Variants in ST6GALNAC5 observed in about 807,000 individuals in gnomAD.
The protein encoded by ST6GALNAC5 is ST6 N-acetylgalactosaminide alpha-2,6-sialyltransferase 5.
Under a neutral mutation model 33.6 loss-of-function variants are expected in ST6GALNAC5, and 27 were observed. The ratio of observed to expected loss-of-function variants is 0.80; its 90% CI spans 0.59 to 1.11. The LOEUF is 1.11. ST6GALNAC5 is among the 50% of genes least tolerant of loss of function. ST6GALNAC5 has a pLI of 0.00. For missense variants in ST6GALNAC5, 428 were observed against 454.0 expected (o/e 0.94, Z 0.52); for synonymous variants, 194 against 171.2 (o/e 1.13, Z -1.04).
chr1:76,977,526 G>A (rs1557745079), intron 2 of ST6GALNAC5, among the ~76,000 whole-genome samples: 1 of 152,070 alleles, frequency 6.6e-6, no homozygotes, highest in East Asian at 1.9e-4. Flanking sequence ...TTTCTATGAG[G>A]TCAACTTTTT....
chr1:77,007,389 T>A (rs1650465443), intron 2 of ST6GALNAC5, among the ~76,000 whole-genome samples: 1 of 152,218 alleles, frequency 6.6e-6, no homozygotes, highest in Admixed American at 6.5e-5. Context: ...TTATTGTGAA[T>A]CTACTCATGT....
At chr1:77,059,847 T>C (rs1299527508) in intron 4 of ST6GALNAC5, among the ~76,000 whole-genome samples, 1 of 152,190 alleles carries the variant, frequency 6.6e-6, no homozygotes, top group African/African-American at 2.4e-5. Context: ...CCTCCATTTA[T>C]TTGTTTATTT....
chr1:76,869,300 A>G (rs1455643215), intron 2 of ST6GALNAC5, among the ~76,000 whole-genome samples: 3 of 152,154 alleles, frequency 2.0e-5, no homozygotes, highest in Non-Finnish European at 2.9e-5. Flanking sequence ...CTCAGCTTCC[A>G]TTGGTTTGAA....
intron 2 of ST6GALNAC5, among the ~76,000 whole-genome samples, chr1:77,028,482 A>T (rs1243976438): frequency 6.6e-6 from 1 of 152,090 alleles, no homozygotes; most frequent in African/African-American, 2.4e-5. Flanking sequence ...GCCGAAACCC[A>T]CTTTCTGCAG....
At chr1:76,910,663 T>C (rs921703139) in intron 2 of ST6GALNAC5, among the ~76,000 whole-genome samples, 1 of 152,056 alleles carries the variant, frequency 6.6e-6, no homozygotes. Context: ...TAGGTTGTTA[T>C]CAATGTGAGT....
chr1:77,005,523 T>G lies in ST6GALNAC5; in HGVS notation c.262-38681T>G, dbSNP rs150364090. 1.5e-3 allele frequency among the ~76,000 whole-genome samples: 229 copies of G among 152,368 alleles called. 1 individual carries two copies. Among genetic ancestry groups the G allele is most frequent in the Admixed American group, 2.9e-3 (44 of 15,304 alleles). ...CCATCTTGGCTCCTCCTCTCAGGTTTGGGTTTTTTATGATGGTAAAATATA... is the reference window on the plus strand; with the variant it reads ...CCATCTTGGCTCCTCCTCTCAGGTTGGGGTTTTTTATGATGGTAAAATATA... On this transcript the variant is annotated intron_variant, in intron 2 of 4. Coordinates refer to ENST00000477717, the MANE Select transcript of ST6GALNAC5 (RefSeq NM_030965.3).
intron 2 of ST6GALNAC5, among the ~76,000 whole-genome samples, chr1:77,008,281 G>A (rs1182879637): frequency 2.6e-5 from 4 of 152,136 alleles, no homozygotes; most frequent in South Asian, 2.1e-4. Context: ...ATTTCAGTGG[G>A]GGAGAATTAG....
chr1:76,977,557 G>A (rs1185514534), intron 2 of ST6GALNAC5, among the ~76,000 whole-genome samples: 1 of 152,160 alleles, frequency 6.6e-6, no homozygotes, highest in African/African-American at 2.4e-5. Flanking sequence ...AAATGAGTGA[G>A]ATCATGCAGT....
intron 2 of ST6GALNAC5, among the ~76,000 whole-genome samples, chr1:76,915,708 G>T (rs1426183777): frequency 4.1e-5 from 6 of 147,324 alleles, no homozygotes; most frequent in African/African-American, 1.5e-4. Context: ...TGAGGGGAGG[G>T]GGGAGGGATA....
rs552411649 is a variant in ST6GALNAC5 at position 76,922,935 on chromosome 1, CA to C, written c.261+54207del. 5.2e-3 allele frequency among the ~76,000 whole-genome samples: 488 copies of C among 93,224 alleles called. 1 individual carries two copies. Among genetic ancestry groups the C allele is most frequent in the East Asian group, 0.016 (51 of 3,256 alleles). The allele number at this position is 93,224 out of a possible 152,430, so 61.2% of individuals were successfully genotyped here. ...TAGGTGACAGAGTGAAACCTTGCCT[CA>C]AAAAAAAAAAAAAGAAAAAAGAAAA... On this transcript the variant is annotated intron_variant, in intron 2 of 4. Coordinates refer to ENST00000477717, the MANE Select transcript of ST6GALNAC5 (RefSeq NM_030965.3).
At chr1:76,959,865 G>A (rs1263719676) in intron 2 of ST6GALNAC5, among the ~76,000 whole-genome samples, 1 of 152,160 alleles carries the variant, frequency 6.6e-6, no homozygotes, top group African/African-American at 2.4e-5. Flanking sequence ...GGTTCTCAGA[G>A]ACAATTCAGT....
At chr1:76,878,502 A>G (rs1350516079) in intron 2 of ST6GALNAC5, among the ~76,000 whole-genome samples, 1 of 152,180 alleles carries the variant, frequency 6.6e-6, no homozygotes, top group Admixed American at 6.5e-5. Flanking sequence ...AGTGTCCAGT[A>G]TCCCCAAAAT....
intron 2 of ST6GALNAC5, among the ~76,000 whole-genome samples, chr1:76,993,863 G>A (rs758883072): frequency 1.3e-5 from 2 of 151,944 alleles, no homozygotes; most frequent in African/African-American, 4.8e-5. Context: ...TTCCTCTGGA[G>A]CTTTCTGACT....
chr1:76,964,974 A>G (rs1648398277), intron 2 of ST6GALNAC5, among the ~76,000 whole-genome samples: 1 of 152,182 alleles, frequency 6.6e-6, no homozygotes, highest in Non-Finnish European at 1.5e-5. Flanking sequence ...TCCATGGTGT[A>G]TATGTGCCAC....
intron 2 of ST6GALNAC5, among the ~76,000 whole-genome samples, chr1:76,889,622 A>C (rs149654190): frequency 7.2e-4 from 109 of 152,162 alleles, no homozygotes; most frequent in African/African-American, 2.2e-3. Flanking sequence ...AGATATTCTA[A>C]ACTGTTGTTT....
intron 2 of ST6GALNAC5, among the ~76,000 whole-genome samples, chr1:76,902,312 A>C (rs904451582): frequency 6.6e-6 from 1 of 152,192 alleles, no homozygotes; most frequent in Non-Finnish European, 1.5e-5. Context: ...CTATAACAAA[A>C]GAAGTGTAAA....
chr1:76,956,642 G>C (rs1174553294), intron 2 of ST6GALNAC5, among the ~76,000 whole-genome samples: 2 of 152,014 alleles, frequency 1.3e-5, no homozygotes, highest in Non-Finnish European at 2.9e-5. Flanking sequence ...TGTCACTCCT[G>C]TCAGTGGAGG....
intron 4 of ST6GALNAC5, 35 bp downstream of exon 4, chr1:77,050,400 G>C: frequency 1.3e-6 from 2 of 1,578,252 alleles, no homozygotes; most frequent in South Asian, 1.1e-5. Flanking sequence ...ATCATCAGCC[G>C]TGTTGTGCAG....
At chr1:76,925,191 T>A (rs12090582) in intron 2 of ST6GALNAC5, among the ~76,000 whole-genome samples, 1,521 of 152,044 alleles carry the variant, frequency 0.01, 31 homozygotes, top group African/African-American at 0.032. Flanking sequence ...ACCAAGAGGA[T>A]GGTGTTAAGC....
Sources: gnomAD v4.1 joint callset for allele counts (sites outside exome capture counted in the v4.1 genomes callset) on GRCh38, gnomAD v4.1.1 for gene constraint, MANE v1.5 for transcripts, NCBI Gene and HGNC (gene_info 2026-07-23, HGNC 2026-07-21) for gene names.